Variants in COA1 observed in about 807,000 individuals in gnomAD.
COA1 encodes the protein cytochrome c oxidase assembly factor 1 homolog.
In COA1, 13 loss-of-function variants were observed where a neutral mutation model predicts 16.0. The ratio of observed to expected loss-of-function variants is 0.81; its 90% CI spans 0.53 to 1.29. The LOEUF is 1.29. COA1 is among the 50% of genes most tolerant of loss of function. COA1 has a pLI of 0.00. For synonymous variants in COA1, 65 were observed against 65.7 expected, an observed-to-expected ratio of 0.99 and a Z score of 0.05; for missense variants, 179 against 177.0, an observed-to-expected ratio of 1.01 and a Z score of -0.06.
intron 3 of COA1, 126 bp from the exon 4 acceptor site, chr7:43,645,525 G>A (rs1584314413): frequency 3.8e-5 from 30 of 798,336 alleles, no homozygotes; most frequent in East Asian, 2.6e-4. Context: ...GTGGATGGAC[G>A]AATAATTAAG....
intron 6 of COA1, chr7:43,622,645 GTCTT>G (rs1181532721): frequency 2.0e-5 from 3 of 151,646 alleles, no homozygotes; most frequent in African/African-American, 4.8e-5. Flanking sequence ...ATTTGACAGT[GTCTT>G]TCTATTGTGT....
intron 6 of COA1, among the ~76,000 whole-genome samples, chr7:43,618,164 T>C (rs1475736709): frequency 3.9e-5 from 6 of 151,904 alleles, no homozygotes; most frequent in African/African-American, 1.2e-4. Flanking sequence ...AACAGAACAA[T>C]AGAGTAAGCA....
chr7:43,621,589 T>G (rs1244370957), intron 6 of COA1, among the ~76,000 whole-genome samples: 1 of 152,174 alleles, frequency 6.6e-6, no homozygotes, highest in Non-Finnish European at 1.5e-5. Flanking sequence ...TGCCTCAGCC[T>G]CCCGAGTAGC....
Position 43,645,350 on chromosome 7 carries a change from C to G in COA1, c.165G>C (p.Gln55His), listed in dbSNP as rs2088951073. 1 of 1,614,100 alleles carries G rather than the reference C, an allele frequency of 6.2e-7. No homozygotes were observed. The highest frequency in any genetic ancestry group is 8.5e-7 in the Non-Finnish European group (1 of 1,179,960). The change falls in exon 4 of 6, where the codon CAG (glutamine) becomes CAC (histidine). Residue 55 changes from glutamine (Q) to histidine (H), a missense_variant. Coordinates refer to ENST00000223336, the MANE Select transcript of COA1 (RefSeq NM_018224.4). ...LYYKLAVEQLQSHPEAQEALG... is the reference protein window; with the variant it reads ...LYYKLAVEQLHSHPEAQEALG... ...GAGCTTCCTGTGCCTCGGGATGGCTCTGCAGCTGCTCCACTGCCAACTTGT... is the reference window on the plus strand; with the variant it reads ...GAGCTTCCTGTGCCTCGGGATGGCTGTGCAGCTGCTCCACTGCCAACTTGT...
intron 1 of COA1, among the ~76,000 whole-genome samples, chr7:43,659,930 A>G (rs1476618814): frequency 1.3e-5 from 2 of 152,184 alleles, no homozygotes; most frequent in Admixed American, 6.5e-5. Flanking sequence ...TCTTAATCCG[A>G]TAAGAAATCT....
chr7:43,673,104 C>T (rs2330920), intron 1 of COA1, among the ~76,000 whole-genome samples: 126,015 of 152,240 alleles, frequency 0.83, 52,603 homozygotes, highest in African/African-American at 0.94. Flanking sequence ...ACATAGGACA[C>T]GGCAAAGATT....
intron 1 of COA1, among the ~76,000 whole-genome samples, chr7:43,718,206 T>G (rs1023045444): frequency 6.6e-6 from 1 of 152,244 alleles, no homozygotes; most frequent in Non-Finnish European, 1.5e-5. Flanking sequence ...GTATTATTAT[T>G]TATTTGTAAG....
intron 6 of COA1, among the ~76,000 whole-genome samples, chr7:43,618,919 G>A (rs1288688384): frequency 2.0e-5 from 3 of 152,172 alleles, no homozygotes; most frequent in Admixed American, 2.0e-4. Flanking sequence ...ATGCAGAGTG[G>A]TGGGAGAAGA....
intron 1 of COA1, among the ~76,000 whole-genome samples, chr7:43,661,050 C>T (rs535706432): frequency 6.6e-6 from 1 of 152,314 alleles, no homozygotes; most frequent in South Asian, 2.1e-4. Flanking sequence ...CCCTAACCAC[C>T]CTTTAAGTCT....
chr7:43,663,873 G>A (rs539009946), intron 1 of COA1, among the ~76,000 whole-genome samples: 17 of 151,976 alleles, frequency 1.1e-4, no homozygotes, highest in Admixed American at 9.2e-4. Context: ...CACTTTGGGC[G>A]GCCAAGGCAG....
chr7:43,644,761 G>GATAGAT lies in COA1; in HGVS notation c.264+489_264+490insATCTAT, dbSNP rs59592633. Among the ~76,000 whole-genome samples the GATAGAT allele has an allele frequency of 1.1e-3, 103 of 90,196 alleles. 1 individual carries two copies. Among genetic ancestry groups the GATAGAT allele is most frequent in the Middle Eastern group, 0.011 (2 of 188 alleles). 59.2% of individuals were successfully genotyped at this position (90,196 alleles called of 152,430 possible). ...AGATAGATAGATAGATAGATAGATA[G>GATAGAT]GCAGGCAGGCAGGCAGGCAGGCAGG... On this transcript the variant is annotated intron_variant, in intron 4 of 5. Transcript: ENST00000223336.
intron 1 of COA1, among the ~76,000 whole-genome samples, chr7:43,658,337 C>T (rs542676998): frequency 1.5e-4 from 23 of 150,994 alleles, no homozygotes; most frequent in East Asian, 5.9e-4. Context: ...CCAGCCTGGG[C>T]GACACAGCGA....
chr7:43,624,127 A>G (rs1195208487), intron 6 of COA1, among the ~76,000 whole-genome samples: 1 of 152,220 alleles, frequency 6.6e-6, no homozygotes, highest in Non-Finnish European at 1.5e-5. Flanking sequence ...ACCATACCTC[A>G]GTATAACAGG....
intron 2 of COA1, 152 bp downstream of exon 2, chr7:43,648,448 T>C: frequency 1.2e-6 from 1 of 817,018 alleles, no homozygotes; most frequent in Non-Finnish European, 2.2e-6. Flanking sequence ...ATGCAGAAAA[T>C]GCCCATCCCT....
rs2090900392 is a variant in COA1 at position 43,651,914 on chromosome 7, T to A, written c.-38-3262A>T. ...CAGGAGGCTGAGGCAGGAGGATGGC[T>A]TGAGCCCAGGAGGTGGAGGTTGCCA... On this transcript the variant is annotated intron_variant, in intron 1 of 5. Transcript: ENST00000223336. 2.6e-5 allele frequency among the ~76,000 whole-genome samples: 4 copies of A among 152,154 alleles called. No homozygotes were observed. In the South Asian group the frequency reaches 8.3e-4, roughly 32 times the overall value.
intron 6 of COA1, among the ~76,000 whole-genome samples, chr7:43,615,493 GTATTT>G (rs67035889): frequency 0.17 from 25,808 of 151,976 alleles, 2,589 homozygotes; most frequent in East Asian, 0.31. Flanking sequence ...TTGTACTATA[GTATTT>G]TATTAACATA....
intron 1 of COA1, among the ~76,000 whole-genome samples, chr7:43,699,339 G>T (rs1007425851): frequency 6.6e-6 from 1 of 152,126 alleles, no homozygotes; most frequent in African/African-American, 2.4e-5. Flanking sequence ...AACCAAGGTA[G>T]TTATTATGAT....
Position 43,691,437 on chromosome 7 carries a change from G to T in COA1, c.-39+37992C>A, listed in dbSNP as rs566267141. Among the ~76,000 whole-genome samples, 314 of 110,874 alleles carry T rather than the reference G, an allele frequency of 2.8e-3. 3 individuals are homozygous for T. Among genetic ancestry groups the T allele is most frequent in the East Asian group, 0.011 (42 of 3,966 alleles). The allele number at this position is 110,874 out of a possible 152,430, so 72.7% of individuals were successfully genotyped here. A position where few individuals can be genotyped will look rare whatever the true frequency, so the allele number is the denominator to read the frequency against. On this transcript the variant is annotated intron_variant, in intron 1 of 5. Coordinates refer to ENST00000223336, the MANE Select transcript of COA1 (RefSeq NM_018224.4). Reference sequence around the variant, plus strand: ...GAAGAAAGAAAAAGAAAGAAAGAAAGAAAGAAAGAAAGAAAGAAAGAAAGA... The same window carrying T: ...GAAGAAAGAAAAAGAAAGAAAGAAATAAAGAAAGAAAGAAAGAAAGAAAGA...
chr7:43,707,527 C>A (rs2095039144), intron 1 of COA1, among the ~76,000 whole-genome samples: 1 of 152,050 alleles, frequency 6.6e-6, no homozygotes, highest in African/African-American at 2.4e-5. Context: ...AATCATTAAC[C>A]CCTCCCTCCT....
Sources: allele counts gnomAD v4.1 joint callset (sites outside exome capture counted in the v4.1 genomes callset), GRCh38; gene constraint gnomAD v4.1.1; transcripts MANE v1.5; gene names NCBI Gene and HGNC (gene_info 2026-07-23, HGNC 2026-07-21).